Variants in UBR1 observed in about 807,000 individuals in gnomAD.
UBR1 encodes the protein E3 ubiquitin-protein ligase UBR1.
Under a neutral mutation model 242.1 loss-of-function variants are expected in UBR1, and 102 were observed. The ratio of observed to expected loss-of-function variants is 0.42; its 90% CI spans 0.36 to 0.50. The LOEUF is 0.50. Ranked by LOEUF, UBR1 falls within the 20% of genes least tolerant of loss-of-function variation. The probability of loss-of-function intolerance (pLI) is 0.01; values close to 1 mark genes in which losing one functional copy is unlikely to be tolerated. For missense variants in UBR1, 1,772 were observed against 2,101.8 expected (o/e 0.84, Z 3.07); for synonymous variants, 675 against 684.8 (o/e 0.99, Z 0.22).
At chr15:43,044,548 T>C (rs186415912) in intron 14 of UBR1, among the ~76,000 whole-genome samples, 9 of 152,310 alleles carry the variant, frequency 5.9e-5, no homozygotes, top group Admixed American at 2.6e-4. Flanking sequence ...ACAGATGATT[T>C]GGAAACATCC....
At chr15:43,082,261 G>C (rs2033982867) in intron 3 of UBR1, among the ~76,000 whole-genome samples, 1 of 151,870 alleles carries the variant, frequency 6.6e-6, no homozygotes, top group East Asian at 1.9e-4. Context: ...GAGGTTTACT[G>C]TAAGTTTTTT....
intron 11 of UBR1, 72 bp from the exon 12 acceptor site, chr15:43,054,971 T>G: frequency 6.5e-7 from 1 of 1,531,744 alleles, no homozygotes; most frequent in Non-Finnish European, 9.0e-7. Flanking sequence ...ATTCATTCAT[T>G]TGGTTAGTCA....
intron 1 of UBR1, among the ~76,000 whole-genome samples, chr15:43,099,294 A>C (rs1289863090): frequency 6.6e-6 from 1 of 151,474 alleles, no homozygotes; most frequent in Non-Finnish European, 1.5e-5. Flanking sequence ...CCAAGATTGC[A>C]CCACTGCACT....
At chr15:43,026,793 A>T in intron 22 of UBR1, 130 bp from the exon 23 acceptor site, 4 of 739,026 alleles carry the variant, frequency 5.4e-6, no homozygotes, top group Non-Finnish European at 8.9e-6. Flanking sequence ...TAGCTTATGA[A>T]AAATTCCATT....
chr15:42,966,810 C>T (rs1393519630), intron 40 of UBR1, among the ~76,000 whole-genome samples: 2 of 151,914 alleles, frequency 1.3e-5, no homozygotes, highest in Admixed American at 6.6e-5. Flanking sequence ...TCTTCTTTTT[C>T]CTAGGTGGTG....
At chr15:43,093,790 CAA>C (rs35967267) in intron 1 of UBR1, among the ~76,000 whole-genome samples, 21 of 52,068 alleles carry the variant, frequency 4.0e-4, no homozygotes, top group Non-Finnish European at 5.9e-4. Flanking sequence ...GCTCCGTCTC[CAA>C]AAAAAAAAAA....
chr15:43,076,556 G>A (rs1427467942), intron 3 of UBR1, among the ~76,000 whole-genome samples: 2 of 147,552 alleles, frequency 1.4e-5, no homozygotes, highest in Non-Finnish European at 1.5e-5. Flanking sequence ...CTGCCCCGCC[G>A]CCCTGTCTGG....
At chr15:42,951,692 G>A (rs958969432) in intron 45 of UBR1, among the ~76,000 whole-genome samples, 2 of 151,926 alleles carry the variant, frequency 1.3e-5, no homozygotes, top group African/African-American at 4.8e-5. Context: ...GCAATGGCAC[G>A]ATCATGGCCT....
intron 44 of UBR1, among the ~76,000 whole-genome samples, chr15:42,957,441 T>C (rs1163718538): frequency 2.0e-5 from 3 of 152,334 alleles, no homozygotes; most frequent in African/African-American, 7.2e-5. Context: ...GTGGTGATTG[T>C]ACAACATTTT....
intron 34 of UBR1, 66 bp downstream of exon 34, chr15:42,989,961 GCCT>G: frequency 9.2e-7 from 1 of 1,081,082 alleles, no homozygotes. Context: ...AAAGATGGAA[GCCT>G]ACACTGTTTC....
At chr15:42,996,826 A>T (rs1481909758) in intron 33 of UBR1, among the ~76,000 whole-genome samples, 1 of 152,222 alleles carries the variant, frequency 6.6e-6, no homozygotes, top group East Asian at 1.9e-4. Context: ...AATAAGACAT[A>T]AATATTTTGA....
rs767136458 is a variant in UBR1 at position 42,988,985 on chromosome 15, A to G, written c.3849-18T>C. The G allele has an allele frequency of 6.3e-7, 1 of 1,580,622 alleles. No individual in the cohort carries two copies. Among genetic ancestry groups the G allele is most frequent in the East Asian group, 2.2e-5 (1 of 44,650 alleles). On this transcript the variant is annotated intron_variant, in intron 34 of 46. Transcript: ENST00000290650. ...ATTTAATCCTATAAATAAAACAAGA[A>G]AATTTGTATGATTTAGTAAAAGGAG...
intron 12 of UBR1, among the ~76,000 whole-genome samples, chr15:43,049,459 A>G (rs987276367): frequency 1.3e-5 from 2 of 152,142 alleles, no homozygotes; most frequent in African/African-American, 4.8e-5. Context: ...GCTACTCGGG[A>G]GGCTGAAGCA....
At chr15:42,984,838 G>C in intron 36 of UBR1, 49 bp downstream of exon 36, 1 of 1,493,792 alleles carries the variant, frequency 6.7e-7, no homozygotes, top group South Asian at 1.2e-5. Flanking sequence ...CTGTGGGGGG[G>C]AAAAAAGGCA....
chr15:42,957,358 T>C (rs941486826), intron 44 of UBR1, among the ~76,000 whole-genome samples: 9 of 152,122 alleles, frequency 5.9e-5, no homozygotes, highest in Non-Finnish European at 1.0e-4. Flanking sequence ...CAGATTACCA[T>C]AGGGTACGGG....
chr15:43,021,164 T>C (rs540519494), intron 27 of UBR1, 111 bp downstream of exon 27: 8 of 778,996 alleles, frequency 1.0e-5, no homozygotes, highest in African/African-American at 3.5e-5. Context: ...TAAGTGATTA[T>C]GAAAACCAGT....
intron 44 of UBR1, among the ~76,000 whole-genome samples, chr15:42,956,932 T>C (rs1270085399): frequency 6.6e-6 from 1 of 152,162 alleles, no homozygotes; most frequent in Non-Finnish European, 1.5e-5. Flanking sequence ...GGACATAAAA[T>C]GGTGCAACCA....
At position 42,950,285 on chromosome 15, in the gene UBR1, A is replaced by G. The variant is rs1478048551; in HGVS notation, c.5085T>C (p.Tyr1695=). ...ACTTCAGGCCAGGGTCTGTTTCTCC[A>G]TATTCATCCAAGTAAGGAGCTGGAT... ...CAYPAPYLDE[Y]GETDPGLKRG... is the part of the protein sequence containing the mutation. Residue 1695 remains tyrosine, a synonymous_variant, in exon 46 of 47, where the codon TAT becomes TAC. Transcript: ENST00000290650. The G allele has an allele frequency of 6.2e-7, 1 of 1,614,172 alleles. No individual in the cohort carries two copies. The highest frequency in any genetic ancestry group is 1.7e-5 in the Admixed American group (1 of 60,016).
chr15:43,027,031 C>CT (rs1371992263), intron 22 of UBR1, among the ~76,000 whole-genome samples: 3 of 152,022 alleles, frequency 2.0e-5, no homozygotes, highest in Non-Finnish European at 4.4e-5. Context: ...ACTTCATTGT[C>CT]TAAGGTCATA....
Sources: allele counts gnomAD v4.1 joint callset (sites outside exome capture counted in the v4.1 genomes callset), GRCh38; gene constraint gnomAD v4.1.1; transcripts MANE v1.5; gene names NCBI Gene and HGNC (gene_info 2026-07-23, HGNC 2026-07-21).